The following SYN2 variants were observed in gnomAD, a reference collection of about 807,000 sequenced individuals.
SYN2 encodes the protein synapsin II, also known as synapsin-2.
Under a neutral mutation model 50.9 loss-of-function variants are expected in SYN2, and 19 were observed. The ratio of observed to expected loss-of-function variants is 0.37; its 90% CI spans 0.26 to 0.55. The LOEUF (loss-of-function observed/expected upper bound fraction) is 0.55, where lower values mean the gene tolerates loss of function less well. SYN2 is among the 20% of genes least tolerant of loss of function. The probability of loss-of-function intolerance (pLI) is 0.81; values close to 1 mark genes in which losing one functional copy is unlikely to be tolerated. For missense variants in SYN2, 587 were observed against 576.4 expected, an observed-to-expected ratio of 1.02 and a Z score of -0.19; for synonymous variants, 255 against 224.9, an observed-to-expected ratio of 1.13 and a Z score of -1.20.
At chr3:12,183,515 A>G (rs1273053110) in intron 11 of SYN2, 143 bp downstream of exon 11, 4 of 1,574,434 alleles carry the variant, frequency 2.5e-6, no homozygotes, top group Non-Finnish European at 3.4e-6. Context: ...GGAGGGGAAA[A>G]CAGACCCTCC....
intron 1 of SYN2, among the ~76,000 whole-genome samples, chr3:12,116,581 T>C (rs1415526113): frequency 6.6e-6 from 1 of 152,146 alleles, no homozygotes; most frequent in Non-Finnish European, 1.5e-5. Flanking sequence ...TGAGATGGGA[T>C]CCAAAGTAAG....
intron 1 of SYN2, among the ~76,000 whole-genome samples, chr3:12,124,210 CT>C (rs1398697516): frequency 1.4e-4 from 22 of 151,902 alleles, no homozygotes; most frequent in Admixed American, 1.3e-4. Flanking sequence ...AAAAACTTGA[CT>C]GTACAAAGTA....
chr3:12,187,875 C>A (rs1486995430), intron 12 of SYN2, among the ~76,000 whole-genome samples: 1 of 152,046 alleles, frequency 6.6e-6, no homozygotes, highest in Non-Finnish European at 1.5e-5. Flanking sequence ...AAATTCAACC[C>A]CCTTCCCTTT....
intron 1 of SYN2, among the ~76,000 whole-genome samples, chr3:12,124,858 G>A (rs2648339): frequency 1.3e-5 from 2 of 152,230 alleles, no homozygotes; most frequent in Non-Finnish European, 2.9e-5. Flanking sequence ...TAGAGGAATA[G>A]GATTGGGGAG....
At chr3:12,104,570 CTTTTTTTTTTT>C (rs796837275) in intron 1 of SYN2, among the ~76,000 whole-genome samples, 10 of 81,726 alleles carry the variant, frequency 1.2e-4, no homozygotes, top group South Asian at 5.1e-4. Flanking sequence ...CTTTTCTTTT[CTTTTTTTTTTT>C]TTTTTTTTTT....
In SYN2 at chr3:12,162,113, C is replaced by T. The variant is rs754809384; in HGVS notation, c.939C>T (p.Asp313=). The T allele has an allele frequency of 6.2e-7, 1 of 1,614,144 alleles. No homozygotes were observed. Among genetic ancestry groups the T allele is most frequent in the Non-Finnish European group, 8.5e-7 (1 of 1,180,012 alleles). ...TAEPFIDSKY[D]IRVQKIGNNY... ...AGCCTTTCATTGACTCCAAGTATGA[C>T]ATCCGGGTCCAGAAGATTGGCAACA... The change falls in exon 7 of 13, where the codon GAC becomes GAT. Residue 313 remains aspartate (D), a synonymous_variant. Transcript: ENST00000621198.
At chr3:12,118,826 A>G (rs2125200611) in intron 1 of SYN2, among the ~76,000 whole-genome samples, 1 of 152,328 alleles carries the variant, frequency 6.6e-6, no homozygotes, top group African/African-American at 2.4e-5. Flanking sequence ...TAGCCAAAGC[A>G]AAAAAACAAA....
At chr3:12,082,695 T>C (rs1695608710) in intron 1 of SYN2, among the ~76,000 whole-genome samples, 1 of 152,208 alleles carries the variant, frequency 6.6e-6, no homozygotes, top group African/African-American at 2.4e-5. Flanking sequence ...GTTATTCAAA[T>C]CTGGGGCTTT....
At chr3:12,005,268 A>C (rs1170876330) in intron 1 of SYN2, among the ~76,000 whole-genome samples, 1 of 152,146 alleles carries the variant, frequency 6.6e-6, no homozygotes, top group African/African-American at 2.4e-5. Context: ...TAGCTTAGAC[A>C]CATAAAATCT....
intron 1 of SYN2, among the ~76,000 whole-genome samples, chr3:12,109,599 T>A (rs1212433116): frequency 6.6e-6 from 1 of 152,190 alleles, no homozygotes; most frequent in Non-Finnish European, 1.5e-5. Flanking sequence ...TCTCTTTTCA[T>A]CTTTCCTTCC....
chr3:12,153,508 G>A, intron 5 of SYN2: 1 of 1,612,846 alleles, frequency 6.2e-7, no homozygotes. Flanking sequence ...ATGGTCACTG[G>A]TCCCTACTAG....
intron 1 of SYN2, among the ~76,000 whole-genome samples, chr3:12,066,138 C>T (rs1021498989): frequency 7.2e-5 from 11 of 152,050 alleles, no homozygotes; most frequent in African/African-American, 2.2e-4. Flanking sequence ...GGATGATATC[C>T]GGGTAAAGAT....
chr3:12,144,181 C>A (rs1697092140), intron 3 of SYN2, among the ~76,000 whole-genome samples: 1 of 152,166 alleles, frequency 6.6e-6, no homozygotes, highest in African/African-American at 2.4e-5. Flanking sequence ...ATAGCGGTGG[C>A]TAGAAGCTTT....
intron 1 of SYN2, among the ~76,000 whole-genome samples, chr3:12,083,014 T>G (rs1695614335): frequency 6.6e-6 from 1 of 152,166 alleles, no homozygotes; most frequent in Non-Finnish European, 1.5e-5. Context: ...ACCATTCTTC[T>G]TCTTATTTTT....
At chr3:12,141,810 A>G (rs921713749) in intron 2 of SYN2, 95 bp from the exon 3 acceptor site, 5 of 728,956 alleles carry the variant, frequency 6.9e-6, no homozygotes, top group African/African-American at 3.4e-5. Context: ...TGAAAACTGT[A>G]TATAAATGTT....
intron 1 of SYN2, among the ~76,000 whole-genome samples, chr3:12,033,569 C>T (rs970918804): frequency 3.9e-5 from 6 of 152,132 alleles, no homozygotes; most frequent in Admixed American, 2.0e-4. Flanking sequence ...ATATACAATT[C>T]GTTGGTTTTA....
At chr3:12,185,627 A>G in intron 11 of SYN2, 3 of 985,872 alleles carry the variant, frequency 3.0e-6, no homozygotes, top group Non-Finnish European at 3.6e-6. Flanking sequence ...GTACTGATCC[A>G]ACTGGGAGAA....
Position 12,090,566 on chromosome 3 carries a change from C to T in SYN2, c.378-50085C>T, listed in dbSNP as rs1695805052. On this transcript the variant is annotated intron_variant, in intron 1 of 12. Transcript: ENST00000621198. Reference sequence around the variant, plus strand: ...CAGGGTCTTCAGCTATAAAATAAGACAGTTGGACTAACTTTCAACTTTTAG... The same window carrying T: ...CAGGGTCTTCAGCTATAAAATAAGATAGTTGGACTAACTTTCAACTTTTAG... Among the ~76,000 whole-genome samples the T allele has an allele frequency of 2.0e-5, 3 of 152,172 alleles. No individual in the cohort carries two copies. The South Asian group carries it at 6.2e-4, about 31-fold the overall frequency.
At chr3:12,013,367 C>T (rs1340968447) in intron 1 of SYN2, among the ~76,000 whole-genome samples, 3 of 152,180 alleles carry the variant, frequency 2.0e-5, no homozygotes, top group Non-Finnish European at 2.9e-5. Context: ...CCTCCGGGCC[C>T]CCTTTTCCTG....
Sources: gnomAD v4.1 joint callset for allele counts (sites outside exome capture counted in the v4.1 genomes callset) on GRCh38, gnomAD v4.1.1 for gene constraint, MANE v1.5 for transcripts, NCBI Gene and HGNC (gene_info 2026-07-23, HGNC 2026-07-21) for gene names.